The following ADCY4 variants were observed in gnomAD, a reference collection of about 807,000 sequenced individuals.
ADCY4 encodes adenylate cyclase 4, also known as adenylate cyclase type 4.
In ADCY4, 111 loss-of-function variants were observed where a neutral mutation model predicts 125.5. The ratio of observed to expected loss-of-function variants is 0.88; its 90% CI spans 0.76 to 1.04. The LOEUF is 1.04. Ranked by LOEUF, ADCY4 falls within the 50% of genes least tolerant of loss-of-function variation. The pLI is 0.00. For synonymous variants in ADCY4, 576 were observed against 586.9 expected, an observed-to-expected ratio of 0.98 and a Z score of 0.27; for missense variants, 1,256 against 1,382.9, an observed-to-expected ratio of 0.91 and a Z score of 1.46.
chr14:24,332,090 A>G, intron 3 of ADCY4, 153 bp from the exon 4 acceptor site: 1 of 1,013,932 alleles, frequency 9.9e-7, no homozygotes, highest in Non-Finnish European at 1.3e-6. Context: ...TGGCATCCCT[A>G]GGGACGTTTC....
In ADCY4 at chr14:24,329,478, C is replaced by T. The variant is rs1180664159; in HGVS notation, c.1273G>A (p.Glu425Lys). 6.3e-7 allele frequency: 1 copy of T among 1,580,006 alleles called. No homozygotes were observed. Among genetic ancestry groups the T allele is most frequent in the East Asian group, 2.2e-5 (1 of 44,662 alleles). The change falls in exon 9 of 25, where the codon GAG becomes AAG. Residue 425 changes from glutamate to lysine, a missense_variant. Physicochemically the swap from Glu to Lys is moderately conservative, Grantham distance 56 (BLOSUM62 1). Coordinates refer to ENST00000418030, the MANE Select transcript of ADCY4 (RefSeq NM_001198568.2). Reference protein sequence around the residue: ...LALLAGAYAVEDAGMEHRDPY... With the variant: ...LALLAGAYAVKDAGMEHRDPY... ...TCCCGATGCTCCATGCCTGCGTCCT[C>T]CACAGCATAAGCCCCTGCCAGCAGG...
chr14:24,323,490 C>A, intron 16 of ADCY4, 36 bp from the exon 17 acceptor site: 1 of 1,550,030 alleles, frequency 6.5e-7, no homozygotes, highest in Non-Finnish European at 8.7e-7. Context: ...AGGCAGGTAG[C>A]TTCTTGGGCA....
intron 10 of ADCY4, chr14:24,328,679 G>C: frequency 9.3e-6 from 2 of 215,912 alleles, no homozygotes; most frequent in South Asian, 1.4e-4. Flanking sequence ...GCCACTACCG[G>C]TCTCCGCGCA....
Position 24,332,519 on chromosome 14 carries a change from C to A in ADCY4, c.519+3G>T, listed in dbSNP as rs2042057988. ...GCGCAGCCTGTGCTACTTGCGTGCT[C>A]ACCTGCGGCAGCAGTGCAGGCCGTG... is the stretch of plus-strand genomic sequence containing the variant. On this transcript the variant is annotated splice_donor_region_variant and intron_variant, in intron 3 of 24. Transcript: ENST00000418030. The A allele has an allele frequency of 1.3e-6, 2 of 1,561,722 alleles. No homozygotes were observed. Among genetic ancestry groups the A allele is most frequent in the East Asian group, 2.4e-5 (1 of 42,384 alleles).
At position 24,319,968 on chromosome 14, in the gene ADCY4, C is replaced by T. The variant is rs2041828126; in HGVS notation, c.2587-80G>A. On this transcript the variant is annotated intron_variant, in intron 20 of 24. Coordinates refer to ENST00000418030, the MANE Select transcript of ADCY4 (RefSeq NM_001198568.2). The surrounding 1 kb of genome is among the most constrained non-coding windows in gnomAD (Gnocchi z 4.5). ...AGAGGTCTGCGTGGGGCCCTCCTCC[C>T]CATGTCCACACTCCTGGTCTCCCTG... is the stretch of plus-strand genomic sequence containing the variant. 1.1e-5 allele frequency: 16 copies of T among 1,507,948 alleles called. No individual in the cohort carries two copies. The highest frequency in any genetic ancestry group is 1.4e-5 in the Non-Finnish European group (16 of 1,113,146). The allele number at this position is 1,507,948 out of a possible 1,614,324, so 93.4% of individuals were successfully genotyped here.
intron 12 of ADCY4, 78 bp from the exon 13 acceptor site, chr14:24,325,965 G>A: frequency 6.3e-7 from 1 of 1,583,152 alleles, no homozygotes; most frequent in Non-Finnish European, 8.6e-7. Context: ...CAGAGTGAGG[G>A]CAAGAGGGGG....
chr14:24,318,892 C>A (rs2139189101), intron 23 of ADCY4, 114 bp from the exon 24 acceptor site: 2 of 1,486,928 alleles, frequency 1.3e-6, no homozygotes, highest in Non-Finnish European at 1.8e-6. Flanking sequence ...GAGGAGGGGT[C>A]TCTAAGGGCT....
Position 24,332,836 on chromosome 14 carries a change from G to A in ADCY4, c.312C>T (p.Gly104=). 6.3e-7 allele frequency: 1 copy of A among 1,588,154 alleles called. No individual in the cohort carries two copies. The highest frequency in any genetic ancestry group is 1.8e-5 in the Admixed American group (1 of 56,866). The change falls in exon 2 of 25, where the codon GGC becomes GGT. Residue 104 remains glycine (G), a synonymous_variant. Transcript: ENST00000418030. ...GLVWVALLAL[G]HAFLFTGGVV... Reference sequence around the variant, plus strand: ...CGCCCCCGGTGAACAGGAAGGCGTGGCCTAGCGCTAGCAGCGCGACCCATA... The same window carrying A: ...CGCCCCCGGTGAACAGGAAGGCGTGACCTAGCGCTAGCAGCGCGACCCATA...
intron 10 of ADCY4, chr14:24,328,659 G>A (rs142854562): frequency 0.086 from 16,675 of 193,554 alleles, 957 homozygotes; most frequent in East Asian, 0.18. Context: ...AGCGCAGCCC[G>A]ACATTCGGGG....
chr14:24,321,696 A>T, intron 20 of ADCY4: 1 of 593,690 alleles, frequency 1.7e-6, no homozygotes, highest in Non-Finnish European at 2.1e-6. Context: ...CTCAGGCGGT[A>T]GTGCTGGCTC....
At chr14:24,331,993 G>A (rs2042049047) in intron 3 of ADCY4, 56 bp from the exon 4 acceptor site, 1 of 1,459,034 alleles carries the variant, frequency 6.9e-7, no homozygotes, top group South Asian at 1.4e-5. Flanking sequence ...GTCGTGTGTA[G>A]TTGGAGTTGG....
intron 5 of ADCY4, 28 bp downstream of exon 5, chr14:24,331,180 C>A (rs775296316): frequency 6.2e-7 from 1 of 1,613,814 alleles, no homozygotes; most frequent in Non-Finnish European, 8.5e-7. Context: ...CCCACAGGCC[C>A]CTCCCCTCCA....
chr14:24,329,357 T>C, intron 9 of ADCY4, 44 bp downstream of exon 9: 2 of 1,546,438 alleles, frequency 1.3e-6, no homozygotes, highest in Non-Finnish European at 8.7e-7. Flanking sequence ...GGCTGTGGGG[T>C]GGTTTGTGTA....
In ADCY4 at chr14:24,334,887, G is replaced by T; in HGVS notation, c.-235C>A. ...CCTTTCCTCCTCCTCCCTCAAACCC[G>T]GATTGTAGAGGTGCCCTAGAAAAGC... On this transcript the variant is annotated 5_prime_UTR_variant, in exon 1 of 25. Transcript: ENST00000418030. 1 of 502,206 alleles carries T rather than the reference G, an allele frequency of 2.0e-6. No homozygotes were observed. 31.1% of individuals were successfully genotyped at this position (502,206 alleles called of 1,614,324 possible).
At position 24,331,851 on chromosome 14, in the gene ADCY4, C is replaced by A. The variant is rs754117192; in HGVS notation, c.606G>T (p.Thr202=). Residue 202 remains threonine, a synonymous_variant, in exon 4 of 25, where the codon ACG becomes ACT. Coordinates refer to ENST00000418030, the MANE Select transcript of ADCY4 (RefSeq NM_001198568.2). ...GCAGGGAGCTGAGTGCCTCCCGGAA[C>A]GTGGCCCGCAGGGCGCGCTCCATCA... ...KALMERALRA[T]FREALSSLHS... The A allele has an allele frequency of 2.1e-5, 34 of 1,603,896 alleles. No homozygotes were observed. In the African/African-American group the frequency reaches 2.7e-4, roughly 13 times the overall value.
chr14:24,319,094 T>A lies in ADCY4; in HGVS notation c.2956+4A>T. ...AGACTGCTGCAGCAGGGGAAGTCTC[T>A]CACCCACTCGCAGGCGGAAGTTGTT... On this transcript the variant is annotated splice_donor_region_variant and intron_variant, in intron 23 of 24. Transcript: ENST00000418030. The surrounding 1 kb of genome is among the most constrained non-coding windows in gnomAD (Gnocchi z 4.5). 1 of 1,613,922 alleles carries A rather than the reference T, an allele frequency of 6.2e-7. No homozygotes were observed.
rs765076936 is a variant in ADCY4, at chr14:24,330,202, C to T, written c.1024G>A (p.Val342Met). Residue 342 changes from valine to methionine, a missense_variant, in exon 7 of 25, where the codon GTG (valine) becomes ATG (methionine). Coordinates refer to ENST00000418030, the MANE Select transcript of ADCY4 (RefSeq NM_001198568.2). ...CGGCACATGTCCAGGCCCATGCGCA[C>T]GCAGTTGATGGCATGGTCTGGCAGT... ...LSLPDHAINC[V>M]RMGLDMCRAI... 13 of 1,614,188 alleles carry T rather than the reference C, an allele frequency of 8.1e-6. No homozygotes were observed. The highest frequency in any genetic ancestry group is 1.3e-5 in the African/African-American group (1 of 75,054).
At chr14:24,325,286 G>T in intron 14 of ADCY4, 91 bp downstream of exon 14, 3 of 1,051,680 alleles carry the variant, frequency 2.9e-6, no homozygotes, top group Admixed American at 1.8e-5. Context: ...CTAAGGGGAA[G>T]GGGTGAAGGA....
chr14:24,322,330 C>A (rs1490773649), intron 19 of ADCY4, 106 bp from the exon 20 acceptor site: 2 of 1,320,348 alleles, frequency 1.5e-6, no homozygotes, highest in African/African-American at 1.5e-5. Context: ...CCCACCCCAC[C>A]CCCAGTTTAG....
Sources: gnomAD v4.1 joint callset for allele counts on GRCh38, gnomAD v4.1.1 for gene constraint, Gnocchi (gnomAD v3.1) non-coding constraint, MANE v1.5 for transcripts, NCBI Gene and HGNC (gene_info 2026-07-23, HGNC 2026-07-21) for gene names.